The following RAB11FIP4 variants were observed in gnomAD, a reference collection of about 807,000 sequenced individuals.
RAB11FIP4 encodes the protein RAB11 family interacting protein 4, also known as rab11 family-interacting protein 4.
Under a neutral mutation model 74.3 loss-of-function variants are expected in RAB11FIP4, and 23 were observed. That is an observed-to-expected ratio of 0.31 (90% CI 0.22 to 0.44). RAB11FIP4 has a LOEUF of 0.44. RAB11FIP4 is among the 20% of genes least tolerant of loss of function. The pLI is 1.00. For synonymous variants in RAB11FIP4, 360 were observed against 359.9 expected, an observed-to-expected ratio of 1.00 and a Z score of 0.00; for missense variants, 630 against 863.9, an observed-to-expected ratio of 0.73 and a Z score of 3.39.
intron 3 of RAB11FIP4, among the ~76,000 whole-genome samples, chr17:31,449,406 A>G (rs1288385189): frequency 6.6e-6 from 1 of 152,106 alleles, no homozygotes; most frequent in Non-Finnish European, 1.5e-5. Context: ...GCTTGACCAC[A>G]CATCCTGGCT....
chr17:31,402,853 C>A (rs959251014), intron 1 of RAB11FIP4, among the ~76,000 whole-genome samples: 3 of 151,842 alleles, frequency 2.0e-5, no homozygotes, highest in Admixed American at 6.6e-5. Context: ...TCTCGATCTC[C>A]TGACCTTGTG....
chr17:31,443,783 G>A (rs986702222), intron 3 of RAB11FIP4, among the ~76,000 whole-genome samples: 62 of 152,132 alleles, frequency 4.1e-4, no homozygotes, highest in African/African-American at 1.5e-3. Context: ...GGCATGATGG[G>A]GCATGCCTGT....
intron 3 of RAB11FIP4, among the ~76,000 whole-genome samples, chr17:31,461,332 C>T (rs982548578): frequency 2.0e-5 from 3 of 152,156 alleles, no homozygotes; most frequent in African/African-American, 7.2e-5. Flanking sequence ...CTGAGGTGCA[C>T]AGCTAAGAAC....
At chr17:31,410,439 T>C (rs533570859) in intron 1 of RAB11FIP4, among the ~76,000 whole-genome samples, 39 of 152,138 alleles carry the variant, frequency 2.6e-4, no homozygotes, top group Non-Finnish European at 4.7e-4. Context: ...TTGGGCTGGG[T>C]GTGGTGGCTC....
chr17:31,528,706 C>T lies in RAB11FIP4; in HGVS notation c.1581C>T (p.Ser527=), dbSNP rs746404547. 6.2e-7 allele frequency: 1 copy of T among 1,612,446 alleles called. No individual in the cohort carries two copies. Among genetic ancestry groups the T allele is most frequent in the Non-Finnish European group, 8.5e-7 (1 of 1,179,660 alleles). ...GGCCAGGCAGGGGCCGCAGTGCCTC[C>T]TCTGGCCTAGGCGAGTTCAATGCCA... The part of the protein sequence containing the change: ...CERPGRGRSA[S]SGLGEFNARA... Residue 527 remains serine, a synonymous_variant, in exon 13 of 15, where the codon TCC becomes TCT. Transcript: ENST00000621161.
chr17:31,447,711 C>T (rs549070655), intron 3 of RAB11FIP4, among the ~76,000 whole-genome samples: 6 of 152,050 alleles, frequency 3.9e-5, no homozygotes, highest in South Asian at 2.1e-4. Flanking sequence ...TTAATAGAGA[C>T]GGGGTTTCAC....
chr17:31,394,288 G>A (rs74944743), intron 1 of RAB11FIP4, among the ~76,000 whole-genome samples: 2,473 of 152,234 alleles, frequency 0.016, 68 homozygotes, highest in African/African-American at 0.055. Flanking sequence ...AGATCATACT[G>A]TGCATACTGT....
chr17:31,509,122 G>A (rs1026863954), intron 3 of RAB11FIP4: 3 of 152,574 alleles, frequency 2.0e-5, no homozygotes, highest in African/African-American at 7.2e-5. Flanking sequence ...ATCCAGAACT[G>A]AACCAAATCT....
At chr17:31,500,761 A>T (rs1288777283) in intron 3 of RAB11FIP4, among the ~76,000 whole-genome samples, 2 of 152,252 alleles carry the variant, frequency 1.3e-5, no homozygotes, top group Non-Finnish European at 2.9e-5. Context: ...ATGGTGGCTC[A>T]TGCCTGTAAT....
At chr17:31,518,624 G>A (rs1201328021) in intron 4 of RAB11FIP4, 1 of 152,146 alleles carries the variant, frequency 6.6e-6, no homozygotes, top group East Asian at 1.9e-4. Context: ...ACTGGCCCAG[G>A]TCAGAAACAG....
intron 3 of RAB11FIP4, among the ~76,000 whole-genome samples, chr17:31,458,675 T>C (rs577399627): frequency 6.6e-6 from 1 of 152,326 alleles, no homozygotes; most frequent in East Asian, 1.9e-4. Context: ...TGTGCACCTC[T>C]GGGCCTCCCA....
intron 3 of RAB11FIP4, among the ~76,000 whole-genome samples, chr17:31,461,358 A>G (rs1388775443): frequency 6.6e-6 from 1 of 152,156 alleles, no homozygotes; most frequent in East Asian, 1.9e-4. Context: ...CCACGATACC[A>G]GGCACTTACT....
chr17:31,411,928 C>T (rs928795884), intron 1 of RAB11FIP4, among the ~76,000 whole-genome samples: 1 of 152,368 alleles, frequency 6.6e-6, no homozygotes, highest in East Asian at 1.9e-4. Flanking sequence ...CTCTGGCCAT[C>T]GTCCTTGCCT....
intron 3 of RAB11FIP4, among the ~76,000 whole-genome samples, chr17:31,517,191 C>CGG (rs537395833): frequency 0.011 from 476 of 42,684 alleles, 14 homozygotes; most frequent in East Asian, 0.078. Flanking sequence ...GGAGGCGGTG[C>CGG]GGGGGGGGGG....
intron 3 of RAB11FIP4, among the ~76,000 whole-genome samples, chr17:31,499,993 C>G (rs140896178): frequency 1.3e-5 from 2 of 152,136 alleles, no homozygotes; most frequent in African/African-American, 4.8e-5. Context: ...AGTTTGCCTC[C>G]GAAGTCCACA....
chr17:31,519,702 G>A (rs1228270793), intron 4 of RAB11FIP4, among the ~76,000 whole-genome samples: 1 of 152,088 alleles, frequency 6.6e-6, no homozygotes, highest in Non-Finnish European at 1.5e-5. Flanking sequence ...CTTCAAAAAA[G>A]TAATTTCATG....
intron 1 of RAB11FIP4, 144 bp downstream of exon 1, chr17:31,392,155 T>A: frequency 3.3e-6 from 2 of 603,848 alleles, no homozygotes; most frequent in South Asian, 8.1e-5. Flanking sequence ...GCCCAGGACC[T>A]CGGCCCCCCC....
intron 3 of RAB11FIP4, among the ~76,000 whole-genome samples, chr17:31,499,727 C>A (rs1012416686): frequency 2.0e-5 from 3 of 152,172 alleles, no homozygotes; most frequent in African/African-American, 7.2e-5. Context: ...AAGCACAGAG[C>A]AGACTGGCCA....
chr17:31,449,289 C>T (rs955321389), intron 3 of RAB11FIP4, among the ~76,000 whole-genome samples: 1 of 152,016 alleles, frequency 6.6e-6, no homozygotes, highest in African/African-American at 2.4e-5. Context: ...CTCGCCTTCA[C>T]AAACAGCCCC....
Sources: allele counts gnomAD v4.1 joint callset (sites outside exome capture counted in the v4.1 genomes callset), GRCh38; gene constraint gnomAD v4.1.1; transcripts MANE v1.5; gene names NCBI Gene and HGNC (gene_info 2026-07-23, HGNC 2026-07-21).